The following MPHOSPH9 variants were observed in gnomAD, a reference collection of about 807,000 sequenced individuals.
MPHOSPH9 encodes M-phase phosphoprotein 9.
MPHOSPH9 carries 88 observed loss-of-function variants against 145.5 expected under a neutral mutation model. That is an observed-to-expected ratio of 0.60 (90% CI 0.51 to 0.72). The LOEUF is 0.72. Among genes scored for constraint, MPHOSPH9 ranks in the 30% least tolerant of loss-of-function variants. The probability of loss-of-function intolerance (pLI) is 0.00; values close to 1 mark genes in which losing one functional copy is unlikely to be tolerated. For synonymous variants in MPHOSPH9, 435 were observed against 486.2 expected, an observed-to-expected ratio of 0.89 and a Z score of 1.39; for missense variants, 1,238 against 1,386.6, an observed-to-expected ratio of 0.89 and a Z score of 1.70.
At chr12:123,160,734 T>C (rs763150336) in intron 23 of MPHOSPH9, 47 bp downstream of exon 23, 6 of 1,552,418 alleles carry the variant, frequency 3.9e-6, no homozygotes, top group Non-Finnish European at 4.4e-6. Context: ...ACTGGAACAC[T>C]GACTGGCATC....
downstream of MPHOSPH9, chr12:123,152,365 A>G (rs2043792258): frequency 1.2e-5 from 4 of 336,388 alleles, no homozygotes; most frequent in South Asian, 6.8e-5. Context: ...TAGTGCAAGA[A>G]AGAGAGATGG....
rs566422781 is a variant in MPHOSPH9, at chr12:123,168,961, G to A, written c.2457-2172C>T. Among the ~76,000 whole-genome samples, 42 of 150,340 alleles carry A rather than the reference G, an allele frequency of 2.8e-4. No homozygotes were observed. The South Asian group carries it at 6.8e-3, about 24-fold the overall frequency. Reference sequence around the variant, plus strand: ...GTGCAGTGGCGCGATCTCGGCTCACGGCAAGCTCTGCCTCTTGGGTTCACA... The same window carrying A: ...GTGCAGTGGCGCGATCTCGGCTCACAGCAAGCTCTGCCTCTTGGGTTCACA... On this transcript the variant is annotated intron_variant, in intron 16 of 23. Coordinates refer to ENST00000606320, the MANE Select transcript of MPHOSPH9 (RefSeq NM_022782.4).
At chr12:123,196,408 T>C (rs1465888909) in intron 12 of MPHOSPH9, among the ~76,000 whole-genome samples, 5 of 152,196 alleles carry the variant, frequency 3.3e-5, no homozygotes, top group South Asian at 4.2e-4. Flanking sequence ...GCCATATGTA[T>C]CTCATACATA....
At chr12:123,181,291 G>A in intron 13 of MPHOSPH9, 81 bp from the exon 14 acceptor site, 3 of 1,173,752 alleles carry the variant, frequency 2.6e-6, no homozygotes, top group Non-Finnish European at 1.2e-6. Flanking sequence ...CAAAATAACT[G>A]CCTATAGCCT....
rs772367158 is a variant in MPHOSPH9, at chr12:123,214,795, G to A, written c.1036C>T (p.Leu346Phe). ...AAATHPRAFY[L>F]SKPDETPNAW... ...TTTGGAGTTTCATCTGGTTTACTGA[G>A]GTAAAAAGCACGAGGATGTGTAGCA... Residue 346 changes from leucine (L) to phenylalanine (F), a missense_variant, in exon 7 of 24, where the codon CTC becomes TTC. Leu to Phe is a conservative substitution (Grantham distance 22, BLOSUM62 0). Coordinates refer to ENST00000606320, the MANE Select transcript of MPHOSPH9 (RefSeq NM_022782.4). The A allele has an allele frequency of 6.2e-7, 1 of 1,613,562 alleles. No homozygotes were observed. Among genetic ancestry groups the A allele is most frequent in the Non-Finnish European group, 8.5e-7 (1 of 1,179,608 alleles).
chr12:123,224,157 CAG>C (rs2047340816), intron 3 of MPHOSPH9, among the ~76,000 whole-genome samples: 2 of 108,380 alleles, frequency 1.8e-5, no homozygotes, highest in African/African-American at 3.5e-5. Context: ...TTTTTGGAGA[CAG>C]AGTCTTGCTC....
At position 123,172,871 on chromosome 12, in the gene MPHOSPH9, C is replaced by CTTTTTTT. The variant is rs1161727056; in HGVS notation, c.2456+3810_2456+3816dup. ...TGTTAGACTTTCAGGTTTTCATTCACTTTTTTTTTTTTTTTTTTTTTTTTT... is the reference window on the plus strand; with the variant it reads ...TGTTAGACTTTCAGGTTTTCATTCACTTTTTTTTTTTTTTTTTTTTTTTTTTTTTTTT... On this transcript the variant is annotated intron_variant, in intron 16 of 23. Transcript: ENST00000606320. Among the ~76,000 whole-genome samples, 114 of 57,960 alleles carry CTTTTTTT rather than the reference C, an allele frequency of 2.0e-3. 36 individuals carry two copies. Among genetic ancestry groups the CTTTTTTT allele is most frequent in the East Asian group, 9.7e-3 (11 of 1,130 alleles). 38.0% of individuals were successfully genotyped at this position (57,960 alleles called of 152,430 possible). A position where few individuals can be genotyped will look rare whatever the true frequency, so the allele number is the denominator to read the frequency against.
rs951784388 is a variant in MPHOSPH9, at chr12:123,166,659, G to C, written c.2587C>G (p.Leu863Val). The C allele has an allele frequency of 1.2e-6, 2 of 1,612,406 alleles. No individual in the cohort carries two copies. The highest frequency in any genetic ancestry group is 2.7e-5 in the African/African-American group (2 of 74,784). The change falls in exon 17 of 24, where the codon CTA becomes GTA. Residue 863 changes from leucine to valine, a missense_variant. Leu to Val is a conservative substitution (Grantham distance 32). Around this residue, in one of 3 missense-constraint regions of MPHOSPH9, gnomAD observed 393 missense variants for 462.5 expected, o/e 0.85. Transcript: ENST00000606320. ...TCTTTAGCAAAGTTATCTCACCCTA[G>C]GCTACAGGTTTCCTCCAGCTGGTTA... Reference protein sequence around the residue: ...VDNQLEETCSLGHRSPLEKDS... With the variant: ...VDNQLEETCSVGHRSPLEKDS...
chr12:123,156,892 C>T lies in MPHOSPH9; in HGVS notation c.3467G>A (p.Arg1156His), dbSNP rs781451768. The T allele has an allele frequency of 8.1e-6, 13 of 1,606,888 alleles. No individual in the cohort carries two copies. Among genetic ancestry groups the T allele is most frequent in the East Asian group, 6.7e-5 (3 of 44,792 alleles). ...CAGTTCTCGATTAATCCTTTCCAAA[C>T]GATCTTCCAAGGCTTCCTAGGTGAA... ...TRLNQEALED[R>H]LERINRELGS... The change falls in exon 24 of 24, where the codon CGT becomes CAT. Residue 1156 changes from arginine to histidine, a missense_variant. Physicochemically the swap from Arg to His is conservative, Grantham distance 29 (BLOSUM62 0). This residue lies in a region of MPHOSPH9 where 393 missense variants were observed against 462.5 expected (regional missense o/e 0.85). Transcript: ENST00000606320.
At chr12:123,189,584 T>C (rs1027486862) in intron 13 of MPHOSPH9, among the ~76,000 whole-genome samples, 2 of 152,182 alleles carry the variant, frequency 1.3e-5, no homozygotes, top group Middle Eastern at 3.2e-3. Flanking sequence ...GTTGTGCTAC[T>C]ACTACATGTA....
intron 13 of MPHOSPH9, among the ~76,000 whole-genome samples, chr12:123,184,066 T>A (rs564156310): frequency 8.6e-5 from 13 of 151,814 alleles, no homozygotes; most frequent in Admixed American, 7.2e-4. Context: ...ATTAGCCAGG[T>A]CTGGTGGCAT....
At position 123,161,272 on chromosome 12, in the gene MPHOSPH9, T is replaced by G; in HGVS notation, c.3245A>C (p.Asn1082Thr). 1 of 1,614,202 alleles carries G rather than the reference T, an allele frequency of 6.2e-7. No homozygotes were observed. Among genetic ancestry groups the G allele is most frequent in the East Asian group, 2.2e-5 (1 of 44,882 alleles). ...ACACTGTTCGTAGCTAACTGATTTATTCTTCTCCCAGGCTGTTCTCACAGA... is the reference window on the plus strand; with the variant it reads ...ACACTGTTCGTAGCTAACTGATTTAGTCTTCTCCCAGGCTGTTCTCACAGA... Reference protein sequence around the residue: ...KVSVRTAWEKNKSVSYEQCKP... With the variant: ...KVSVRTAWEKTKSVSYEQCKP... The change falls in exon 22 of 24, where the codon AAT (asparagine) becomes ACT (threonine). Residue 1082 changes from asparagine to threonine, a missense_variant. Asn to Thr is a moderately conservative substitution (Grantham distance 65). Coordinates refer to ENST00000606320, the MANE Select transcript of MPHOSPH9 (RefSeq NM_022782.4).
At chr12:123,236,855 G>A (rs1295408115), upstream of MPHOSPH9, among the ~76,000 whole-genome samples, 1 of 151,878 alleles carries the variant, frequency 6.6e-6, no homozygotes, top group African/African-American at 2.4e-5. Flanking sequence ...AGGCCGAGGC[G>A]GGCGGATCGC....
chr12:123,227,694 C>A, intron 2 of MPHOSPH9, 78 bp from the exon 3 acceptor site: 1 of 1,246,196 alleles, frequency 8.0e-7, no homozygotes, highest in Non-Finnish European at 1.1e-6. Context: ...CAAGATTTAG[C>A]AGAGCAGTAC....
intron 16 of MPHOSPH9, among the ~76,000 whole-genome samples, chr12:123,171,663 C>T (rs1217649432): frequency 4.7e-5 from 7 of 149,344 alleles, no homozygotes; most frequent in Admixed American, 3.4e-4. Context: ...GCAGGAGAAT[C>T]GCTTGAACAT....
chr12:123,225,330 G>C (rs1261053533), intron 3 of MPHOSPH9, among the ~76,000 whole-genome samples: 1 of 151,454 alleles, frequency 6.6e-6, no homozygotes, highest in South Asian at 2.1e-4. Context: ...TGTAGTCCCA[G>C]CTACTTGGGA....
At chr12:123,232,593 G>A (rs1054825935) in intron 1 of MPHOSPH9, among the ~76,000 whole-genome samples, 4 of 152,218 alleles carry the variant, frequency 2.6e-5, no homozygotes, top group Admixed American at 1.3e-4. Flanking sequence ...ATGGGGATGA[G>A]GCCAGATCCC....
chr12:123,194,474 T>G lies in MPHOSPH9; in HGVS notation c.2153A>C (p.Gln718Pro). The change falls in exon 13 of 24, where the codon CAA becomes CCA. Residue 718 changes from glutamine (Q) to proline (P), a missense_variant. Gln to Pro is a moderately conservative substitution (Grantham distance 76). Transcript: ENST00000606320. ...ATTCTCAAATGCTTCTTCTAAATCT[T>G]GCAGTCTAGATTTTAGTCGAATGAT... ...NTIIRLKSRLQDLEEAFENAY... is the reference protein window; with the variant it reads ...NTIIRLKSRLPDLEEAFENAY... The G allele has an allele frequency of 6.2e-7, 1 of 1,611,084 alleles. No individual in the cohort carries two copies. The highest frequency in any genetic ancestry group is 8.5e-7 in the Non-Finnish European group (1 of 1,178,464).
chr12:123,194,623 A>AAT (rs748240192), intron 12 of MPHOSPH9, 22 bp from the exon 13 acceptor site: 2 of 1,254,680 alleles, frequency 1.6e-6, no homozygotes, highest in Non-Finnish European at 2.1e-6. Flanking sequence ...AGACAAACAT[A>AAT]ATTTTTTTTT....
Sources: gnomAD v4.1 joint callset for allele counts (sites outside exome capture counted in the v4.1 genomes callset) on GRCh38, gnomAD v4.1.1 for gene constraint, gnomAD v4.1.1 regional missense constraint, MANE v1.5 for transcripts, NCBI Gene and HGNC (gene_info 2026-07-23, HGNC 2026-07-21) for gene names.